Variants in CELSR2 observed in about 807,000 individuals in gnomAD.
The protein encoded by CELSR2 is EGF-like protein 2.
CELSR2 carries 81 observed loss-of-function variants against 251.6 expected under a neutral mutation model. The observed-to-expected ratio is 0.32, with a 90% CI of 0.27 to 0.39. The LOEUF (loss-of-function observed/expected upper bound fraction) is 0.39. Among genes scored for constraint, CELSR2 ranks in the 10% least tolerant of loss-of-function variants. The probability of loss-of-function intolerance (pLI) is 1.00; values close to 1 mark genes in which losing one functional copy is unlikely to be tolerated. For missense variants in CELSR2, 3,365 were observed against 3,947.7 expected (o/e 0.85, Z 3.96); for synonymous variants, 1,721 against 1,670.5 (o/e 1.03, Z -0.74).
Position 109,274,139 on chromosome 1 carries a change from G to A in CELSR2, c.*90G>A, listed in dbSNP as rs932589343. 2.7e-5 allele frequency: 43 copies of A among 1,606,634 alleles called. No homozygotes were observed. In the African/African-American group the frequency reaches 3.2e-4, roughly 12 times the overall value. On this transcript the variant is annotated 3_prime_UTR_variant, in exon 34 of 34. Coordinates refer to ENST00000271332, the MANE Select transcript of CELSR2 (RefSeq NM_001408.3). ...CCTGTCTTGTGCTTTATCCTGCCCC[G>A]CTCCCCATCGCCTGCCCGCAGCAGC... is the stretch of plus-strand genomic sequence containing the variant.
Position 109,269,680 on chromosome 1 carries a change from C to G in CELSR2, c.6981-14C>G. 6.2e-7 allele frequency: 1 copy of G among 1,614,108 alleles called. No homozygotes were observed. Among genetic ancestry groups the G allele is most frequent in the Non-Finnish European group, 8.5e-7 (1 of 1,180,006 alleles). Reference sequence around the variant, plus strand: ...CACCCTCCTTGTCTCCCTGACCCTGCCTTCCTCACACAGGGTCAGTGGCAC... The same window carrying G: ...CACCCTCCTTGTCTCCCTGACCCTGGCTTCCTCACACAGGGTCAGTGGCAC... On this transcript the variant is annotated splice_polypyrimidine_tract_variant and intron_variant, in intron 21 of 33. Coordinates refer to ENST00000271332, the MANE Select transcript of CELSR2 (RefSeq NM_001408.3). This position sits in a 1 kb window ranked among gnomAD's most constrained non-coding sequence, Gnocchi z 6.4.
intron 1 of CELSR2, among the ~76,000 whole-genome samples, chr1:109,256,849 G>C (rs927912568): frequency 2.6e-4 from 40 of 152,052 alleles, no homozygotes; most frequent in African/African-American, 9.4e-4. Flanking sequence ...TAGTAGAGAC[G>C]GGGTTTCACC....
chr1:109,272,405 G>GGT lies in CELSR2; in HGVS notation c.8054+2_8054+3dup. On this transcript the variant is annotated frameshift_variant and splice_region_variant. Transcript: ENST00000271332. LOFTEE classifies it high-confidence loss of function. ...CCCAGCTACATCCCCTTCTTGCTGAGGTGAATCCCGGAGATGGGAGGGTGG... is the reference window on the plus strand; with the variant it reads ...CCCAGCTACATCCCCTTCTTGCTGAGGTGTGAATCCCGGAGATGGGAGGGTGG... The GGT allele has an allele frequency of 6.2e-7, 1 of 1,605,892 alleles. No individual in the cohort carries two copies. The highest frequency in any genetic ancestry group is 8.5e-7 in the Non-Finnish European group (1 of 1,174,660).
At position 109,251,854 on chromosome 1, in the gene CELSR2, C is replaced by G; in HGVS notation, c.1775C>G (p.Ala592Gly). The change falls in exon 1 of 34, where the codon GCC becomes GGC. Residue 592 changes from alanine (A) to glycine (G), a missense_variant. Physicochemically the swap from Ala to Gly is moderately conservative, Grantham distance 60. Coordinates refer to ENST00000271332, the MANE Select transcript of CELSR2 (RefSeq NM_001408.3). This position sits in a 1 kb window ranked among gnomAD's most constrained non-coding sequence, Gnocchi z 4.9. ...ARDHGTPALT[A>G]SASVSVTVLD... ...GACCATGGCACTCCAGCACTCACTG[C>G]CTCGGCCAGTGTCAGCGTGACTGTC... The G allele has an allele frequency of 6.2e-7, 1 of 1,614,086 alleles. No individual in the cohort carries two copies.
intron 1 of CELSR2, among the ~76,000 whole-genome samples, chr1:109,257,672 T>C (rs1476642311): frequency 6.6e-6 from 1 of 152,158 alleles, no homozygotes; most frequent in African/African-American, 2.4e-5. Flanking sequence ...CTCTGGGGTC[T>C]CAGAGTGGAG....
rs535158909 is a variant in CELSR2, at chr1:109,273,638, A to C, written c.8712A>C (p.Ala2904=). The change falls in exon 33 of 34, where the codon GCA becomes GCC. Residue 2904 remains alanine (A), a synonymous_variant. Transcript: ENST00000271332. The stretch of plus-strand genomic sequence containing the variant: ...TGCCCATCGCCATGAGCATCAAGGC[A>C]GGCACGGTGGATGAGGACTCGTCAG... ...GVMPIAMSIK[A]GTVDEDSSGS... The C allele has an allele frequency of 8.5e-5, 119 of 1,392,634 alleles. 2 individuals carry two copies. The South Asian group carries it at 1.5e-3, about 18-fold the overall frequency. 86.3% of individuals were successfully genotyped at this position (1,392,634 alleles called of 1,614,324 possible).
rs140803839 is a variant in CELSR2, at chr1:109,250,450, C to A, written c.371C>A (p.Ser124Tyr). The part of the protein sequence containing the change: ...CRLLGIGGHL[S>Y]PQGKLTLPEE... ...CTCCTGGGCATTGGAGGCCACCTTT[C>A]CCCACAGGGCAAGCTCACACTGCCC... is the stretch of plus-strand genomic sequence containing the variant. The change falls in exon 1 of 34, where the codon TCC (serine) becomes TAC (tyrosine). Residue 124 changes from serine (S) to tyrosine (Y), a missense_variant. This residue lies in a region of CELSR2 where 704 missense variants were observed against 784.1 expected (regional missense o/e 0.90). Coordinates refer to ENST00000271332, the MANE Select transcript of CELSR2 (RefSeq NM_001408.3). The surrounding 1 kb of genome is among the most constrained non-coding windows in gnomAD (Gnocchi z 4.4). 30 of 1,613,582 alleles carry A rather than the reference C, an allele frequency of 1.9e-5. No homozygotes were observed. The highest frequency in any genetic ancestry group is 2.5e-5 in the Non-Finnish European group (30 of 1,180,020).
chr1:109,256,639 T>C (rs1227140661), intron 1 of CELSR2, among the ~76,000 whole-genome samples: 1 of 141,666 alleles, frequency 7.1e-6, no homozygotes, highest in Non-Finnish European at 1.5e-5. Context: ...CCCCCTGCTA[T>C]GTGGTTTTGT....
chr1:109,266,452 C>T, intron 15 of CELSR2: 1 of 460,134 alleles, frequency 2.2e-6, no homozygotes, highest in Admixed American at 3.8e-5. Flanking sequence ...CTGTCACTGT[C>T]ACCCAGGCTG....
At chr1:109,270,334 A>G in intron 23 of CELSR2, 92 bp from the exon 24 acceptor site, 3 of 1,463,248 alleles carry the variant, frequency 2.1e-6, no homozygotes, top group South Asian at 1.2e-5. Flanking sequence ...AGCAGTTCCC[A>G]ACACCCAGGC....
intron 30 of CELSR2, 24 bp from the exon 31 acceptor site, chr1:109,272,809 T>A (rs1311172247): frequency 3.1e-6 from 5 of 1,613,214 alleles, no homozygotes; most frequent in Admixed American, 1.7e-5. Context: ...CTGGGCTGGC[T>A]GTGATCTCTC....
chr1:109,252,776 C>A lies in CELSR2; in HGVS notation c.2697C>A (p.Pro899=). Residue 899 remains proline (P), a synonymous_variant, in exon 1 of 34, where the codon CCC becomes CCA. Transcript: ENST00000271332. This position sits in a 1 kb window ranked among gnomAD's most constrained non-coding sequence, Gnocchi z 4.8. ...CATATGCAGTGGACAAGGGGATGCC[C>A]CCAGCCCGCACACCTATGGAAGTGA... ...LRAYAVDKGM[P]PARTPMEVTV... is the part of the protein sequence containing the mutation. The A allele has an allele frequency of 6.2e-7, 1 of 1,614,010 alleles. No homozygotes were observed. Among genetic ancestry groups the A allele is most frequent in the Non-Finnish European group, 8.5e-7 (1 of 1,180,036 alleles).
Position 109,272,953 on chromosome 1 carries a change from T to C in CELSR2, c.8264T>C (p.Phe2755Ser). 1 of 1,613,984 alleles carries C rather than the reference T, an allele frequency of 6.2e-7. No individual in the cohort carries two copies. Among genetic ancestry groups the C allele is most frequent in the Non-Finnish European group, 8.5e-7 (1 of 1,179,968 alleles). ...EEEEEEEEAA[F>S]PGEQGWDSLL... ...GAGGAGGAGGAAGAGGAGGCCGCCT[T>C]CCCTGGAGAGCAGGGCTGGGATAGC... The change falls in exon 31 of 34, where the codon TTC (phenylalanine) becomes TCC (serine). Residue 2755 changes from phenylalanine to serine, a missense_variant. Physicochemically the swap from Phe to Ser is radical, Grantham distance 155. Coordinates refer to ENST00000271332, the MANE Select transcript of CELSR2 (RefSeq NM_001408.3).
Position 109,265,321 on chromosome 1 carries a change from C to T in CELSR2, c.5727+10C>T, listed in dbSNP as rs772237929. On this transcript the variant is annotated intron_variant, in intron 13 of 33. Coordinates refer to ENST00000271332, the MANE Select transcript of CELSR2 (RefSeq NM_001408.3). Reference sequence around the variant, plus strand: ...CGAGTGCCACTGCAAGGTGACAGCCCCAAGCAAGCCTCCACTGTGGCCACT... The same window carrying T: ...CGAGTGCCACTGCAAGGTGACAGCCTCAAGCAAGCCTCCACTGTGGCCACT... The T allele has an allele frequency of 1.3e-6, 2 of 1,591,616 alleles. No homozygotes were observed. Among genetic ancestry groups the T allele is most frequent in the Admixed American group, 3.4e-5 (2 of 58,274 alleles).
At chr1:109,266,324 G>A (rs1375571276) in intron 15 of CELSR2, 118 bp downstream of exon 15, 14 of 1,210,530 alleles carry the variant, frequency 1.2e-5, no homozygotes, top group Non-Finnish European at 1.6e-5. Flanking sequence ...TCCAGGTCCT[G>A]GGATTTCATT....
At position 109,267,905 on chromosome 1, in the gene CELSR2, C is replaced by G. The variant is rs1298273948; in HGVS notation, c.6163C>G (p.Leu2055Val). 1.2e-6 allele frequency: 2 copies of G among 1,610,834 alleles called. No individual in the cohort carries two copies. Among genetic ancestry groups the G allele is most frequent in the South Asian group, 1.1e-5 (1 of 91,072 alleles). ...CCTAGACTCAGGGCGCTCCCAGCAGCTAGCCCTGCTCCTGCGCAACGCCAC... is the reference window on the plus strand; with the variant it reads ...CCTAGACTCAGGGCGCTCCCAGCAGGTAGCCCTGCTCCTGCGCAACGCCAC... ...SGLDSGRSQQ[L>V]ALLLRNATQH... The change falls in exon 17 of 34, where the codon CTA (leucine) becomes GTA (valine). Residue 2055 changes from leucine to valine, a missense_variant. Leu to Val is a conservative substitution (Grantham distance 32). This residue lies in a region of CELSR2 where 2,093 missense variants were observed against 2,382.8 expected (regional missense o/e 0.88). Transcript: ENST00000271332.
Position 109,269,613 on chromosome 1 carries a change from C to T in CELSR2, c.6980+22C>T. On this transcript the variant is annotated intron_variant, in intron 21 of 33. Coordinates refer to ENST00000271332, the MANE Select transcript of CELSR2 (RefSeq NM_001408.3). This position sits in a 1 kb window ranked among gnomAD's most constrained non-coding sequence, Gnocchi z 6.4. The stretch of plus-strand genomic sequence containing the variant: ...TCCTGTGAGCCTGCACTGCCCTCGC[C>T]CCCTCAGGCTTCGGGCTGAAAGTCC... 1 of 1,613,472 alleles carries T rather than the reference C, an allele frequency of 6.2e-7. No individual in the cohort carries two copies.
In CELSR2 at chr1:109,253,325, G is replaced by A; in HGVS notation, c.3246G>A (p.Leu1082=). 6.2e-7 allele frequency: 1 copy of A among 1,613,442 alleles called. No individual in the cohort carries two copies. The highest frequency in any genetic ancestry group is 1.3e-5 in the African/African-American group (1 of 75,060). ...LVLLNASTGE[L]KLSRALDNNR... Reference sequence around the variant, plus strand: ...TGCTCAATGCCTCCACGGGTGAGCTGAAGCTAAGCCGCGCACTGGACAACA... The same window carrying A: ...TGCTCAATGCCTCCACGGGTGAGCTAAAGCTAAGCCGCGCACTGGACAACA... The change falls in exon 1 of 34, where the codon CTG becomes CTA. Residue 1082 remains leucine, a synonymous_variant. Coordinates refer to ENST00000271332, the MANE Select transcript of CELSR2 (RefSeq NM_001408.3).
chr1:109,265,127 G>T (rs2101262793), intron 12 of CELSR2, 64 bp from the exon 13 acceptor site: 1 of 1,582,988 alleles, frequency 6.3e-7, no homozygotes, highest in Middle Eastern at 1.7e-4. Context: ...GGCCACATAG[G>T]GCTCACCTAG....
Sources: allele counts gnomAD v4.1 joint callset (sites outside exome capture counted in the v4.1 genomes callset), GRCh38; gene constraint gnomAD v4.1.1; regional missense constraint gnomAD v4.1.1; non-coding constraint Gnocchi (gnomAD v3.1); transcripts MANE v1.5; gene names NCBI Gene and HGNC (gene_info 2026-07-23, HGNC 2026-07-21).